Variants in EGLN1 observed in about 807,000 individuals in gnomAD.
EGLN1 encodes egl-9 family hypoxia inducible factor 1.
EGLN1 carries 17 observed loss-of-function variants against 38.3 expected under a neutral mutation model. That is an observed-to-expected ratio of 0.44 (90% CI 0.30 to 0.67). EGLN1 has a LOEUF of 0.67. Among genes scored for constraint, EGLN1 ranks in the 30% least tolerant of loss-of-function variants. The probability of loss-of-function intolerance (pLI) is 0.08; values close to 1 mark genes in which losing one functional copy is unlikely to be tolerated. For synonymous variants in EGLN1, 283 were observed against 257.5 expected (o/e 1.10, Z -0.95); for missense variants, 477 against 603.3 (o/e 0.79, Z 2.19).
At chr1:231,407,098 C>T (rs1688817562) in intron 1 of EGLN1, among the ~76,000 whole-genome samples, 1 of 152,106 alleles carries the variant, frequency 6.6e-6, no homozygotes, top group African/African-American at 2.4e-5. Flanking sequence ...GCAAAACTGG[C>T]AGGTCAAACT....
In EGLN1 at chr1:231,366,457, A is replaced by AC. The variant is rs1265224256; in HGVS notation, c.1234dup (p.Val412GlyfsTer2). The AC allele has an allele frequency of 6.2e-7, 1 of 1,613,846 alleles. No individual in the cohort carries two copies. The highest frequency in any genetic ancestry group is 2.2e-5 in the East Asian group (1 of 44,856). ...CGAATCTGAAGGTTTATTGAGTTCA[A>AC]CCCTCACACCTTTTTCACCTGCAAG... On this transcript the variant is annotated frameshift_variant, in exon 5 of 5. Coordinates refer to ENST00000366641, the MANE Select transcript of EGLN1 (RefSeq NM_022051.3). LOFTEE classifies it high-confidence loss of function.
rs116668420 is a variant in EGLN1 at position 231,398,837 on chromosome 1, A to G, written c.891+22161T>C. ...AGATGGATATTTGAGCCTTGGTGTGAGAACGCAGAGAGGAACCAGAAACAG... is the reference window on the plus strand; with the variant it reads ...AGATGGATATTTGAGCCTTGGTGTGGGAACGCAGAGAGGAACCAGAAACAG... On this transcript the variant is annotated intron_variant, in intron 1 of 4. Coordinates refer to ENST00000366641, the MANE Select transcript of EGLN1 (RefSeq NM_022051.3). Among the ~76,000 whole-genome samples, 160 of 152,350 alleles carry G rather than the reference A, an allele frequency of 1.1e-3. 1 individual carries two copies. The highest frequency in any genetic ancestry group is 3.7e-3 in the African/African-American group (153 of 41,578).
At chr1:231,391,266 T>G (rs560745674) in intron 1 of EGLN1, among the ~76,000 whole-genome samples, 1 of 152,158 alleles carries the variant, frequency 6.6e-6, no homozygotes, top group African/African-American at 2.4e-5. Context: ...ATCTTTAAAA[T>G]AAGGAACCTG....
At chr1:231,419,638 C>T (rs886967113) in intron 1 of EGLN1, among the ~76,000 whole-genome samples, 2 of 152,280 alleles carry the variant, frequency 1.3e-5, no homozygotes, top group Non-Finnish European at 2.9e-5. Flanking sequence ...ATCAGATCCC[C>T]CTTTTCCTTC....
intron 1 of EGLN1, among the ~76,000 whole-genome samples, chr1:231,389,991 G>T (rs1388233784): frequency 6.6e-6 from 1 of 152,042 alleles, no homozygotes; most frequent in Non-Finnish European, 1.5e-5. Flanking sequence ...AAAGAACAGT[G>T]GGACTCTGAA....
chr1:231,384,261 T>C (rs946336084), intron 1 of EGLN1, among the ~76,000 whole-genome samples: 2 of 152,206 alleles, frequency 1.3e-5, no homozygotes, highest in African/African-American at 4.8e-5. Context: ...GGCACTGTTC[T>C]AGATCTTGGG....
chr1:231,419,182 C>A (rs887278242), intron 1 of EGLN1, among the ~76,000 whole-genome samples: 4 of 152,136 alleles, frequency 2.6e-5, no homozygotes, highest in Non-Finnish European at 5.9e-5. Context: ...TCCCTTATTA[C>A]CTGCTAATAT....
intron 1 of EGLN1, among the ~76,000 whole-genome samples, chr1:231,381,303 T>C (rs1423890940): frequency 6.6e-6 from 1 of 152,168 alleles, no homozygotes; most frequent in East Asian, 1.9e-4. Flanking sequence ...GAAGAGTATG[T>C]TAATACAAAG....
At chr1:231,381,462 C>A (rs1688076955) in intron 1 of EGLN1, among the ~76,000 whole-genome samples, 1 of 152,022 alleles carries the variant, frequency 6.6e-6, no homozygotes, top group South Asian at 2.1e-4. Flanking sequence ...TAGCATTGAT[C>A]CAAATCACTC....
intron 2 of EGLN1, 21 bp from the exon 3 acceptor site, chr1:231,370,719 G>C: frequency 6.2e-7 from 1 of 1,613,868 alleles, no homozygotes; most frequent in South Asian, 1.1e-5. Context: ...AGCCAAATAT[G>C]TAAGCAGGAG....
intron 1 of EGLN1, among the ~76,000 whole-genome samples, chr1:231,419,703 T>C (rs1423980063): frequency 6.6e-6 from 1 of 152,238 alleles, no homozygotes; most frequent in Non-Finnish European, 1.5e-5. Context: ...TTAAGACTTG[T>C]GCCTTCATCC....
At chr1:231,376,145 A>G (rs1687952187) in intron 1 of EGLN1, among the ~76,000 whole-genome samples, 1 of 152,228 alleles carries the variant, frequency 6.6e-6, no homozygotes. Flanking sequence ...CCTTATAAGA[A>G]GTTTTGCTTT....
rs1656631152 is a variant in EGLN1 at position 231,421,803 on chromosome 1, T to C, written c.86A>G (p.Asn29Ser). Reference protein sequence around the residue: ...QYCELCGKMENLLRCSRCRSS... With the variant: ...QYCELCGKMESLLRCSRCRSS... ...GCGGCAGCGGCTGCAGCGCAGCAGG[T>C]TCTCCATCTTCCCGCACAGCTCGCA... The change falls in exon 1 of 5, where the codon AAC (asparagine) becomes AGC (serine). Residue 29 changes from asparagine to serine, a missense_variant. Asn to Ser is a conservative substitution (Grantham distance 46). Coordinates refer to ENST00000366641, the MANE Select transcript of EGLN1 (RefSeq NM_022051.3). This position sits in a 1 kb window ranked among gnomAD's most constrained non-coding sequence, Gnocchi z 5.5. 1.3e-6 allele frequency: 2 copies of C among 1,558,502 alleles called. No individual in the cohort carries two copies. The highest frequency in any genetic ancestry group is 4.9e-5 in the East Asian group (2 of 40,862).
At chr1:231,401,304 C>A (rs1417260444) in intron 1 of EGLN1, among the ~76,000 whole-genome samples, 1 of 152,116 alleles carries the variant, frequency 6.6e-6, no homozygotes, top group African/African-American at 2.4e-5. Flanking sequence ...ATAGTAATGA[C>A]CTGCACCTCA....
At position 231,364,789 on chromosome 1, in the gene EGLN1, G is replaced by A. The variant is rs1021053732; in HGVS notation, c.*1622C>T. On this transcript the variant is annotated 3_prime_UTR_variant, in exon 5 of 5. Transcript: ENST00000366641. ...GCAAAGAAGATCAAGGACAGAGATA[G>A]AAAACCTAAGTGGGCAAGGTCTTAC... is the stretch of plus-strand genomic sequence containing the variant. 6.6e-6 allele frequency: 1 copy of A among 152,190 alleles called. No individual in the cohort carries two copies. The highest frequency in any genetic ancestry group is 1.5e-5 in the Non-Finnish European group (1 of 68,038). 9.4% of individuals were successfully genotyped at this position (152,190 alleles called of 1,614,324 possible).
intron 1 of EGLN1, among the ~76,000 whole-genome samples, chr1:231,379,245 C>G (rs796152909): frequency 2.6e-5 from 4 of 152,284 alleles, no homozygotes; most frequent in South Asian, 4.1e-4. Flanking sequence ...AGCGGCCCAC[C>G]ACCTGCTGCA....
At chr1:231,399,451 C>G (rs1461276506) in intron 1 of EGLN1, among the ~76,000 whole-genome samples, 1 of 152,038 alleles carries the variant, frequency 6.6e-6, no homozygotes, top group Non-Finnish European at 1.5e-5. Context: ...ACACCAAAAC[C>G]AGAGAGAAAT....
At chr1:231,380,389 T>C (rs558582477) in intron 1 of EGLN1, among the ~76,000 whole-genome samples, 1 of 151,546 alleles carries the variant, frequency 6.6e-6, no homozygotes, top group Admixed American at 6.6e-5. Flanking sequence ...AACAACTCAG[T>C]GGTCAAAAGC....
chr1:231,420,932 C>G, intron 1 of EGLN1, 66 bp downstream of exon 1: 1 of 1,613,136 alleles, frequency 6.2e-7, no homozygotes, highest in Non-Finnish European at 8.5e-7. Context: ...TAGGCAGTTT[C>G]AGTCGCAGGC....
Sources: allele counts gnomAD v4.1 joint callset (sites outside exome capture counted in the v4.1 genomes callset), GRCh38; gene constraint gnomAD v4.1.1; non-coding constraint Gnocchi (gnomAD v3.1); transcripts MANE v1.5; gene names NCBI Gene and HGNC (gene_info 2026-07-23, HGNC 2026-07-21).